The following NOL10 variants were observed in gnomAD, a reference collection of about 807,000 sequenced individuals.
NOL10 encodes H_NH0074G24.1.
NOL10 carries 58 observed loss-of-function variants against 103.5 expected under a neutral mutation model. That is an observed-to-expected ratio of 0.56 (90% CI 0.45 to 0.70). The LOEUF is 0.70. NOL10 is among the 30% of genes least tolerant of loss of function. The pLI, the probability that NOL10 is intolerant of heterozygous loss-of-function variation, is 0.00. For missense variants in NOL10, 763 were observed against 807.3 expected (o/e 0.95, Z 0.67); for synonymous variants, 287 against 282.5 (o/e 1.02, Z -0.16).
intron 13 of NOL10, 106 bp from the exon 14 acceptor site, chr2:10,607,417 T>C (rs967884915): frequency 2.4e-6 from 3 of 1,262,924 alleles, no homozygotes; most frequent in Admixed American, 3.0e-5. Flanking sequence ...AAATCCTTTT[T>C]TCTATCAGAA....
At chr2:10,678,106 T>C (rs1488055173) in intron 3 of NOL10, among the ~76,000 whole-genome samples, 1 of 151,876 alleles carries the variant, frequency 6.6e-6, no homozygotes, top group Non-Finnish European at 1.5e-5. Context: ...TGGAGCACAG[T>C]GGTGCAATCA....
At chr2:10,678,477 C>T (rs1681488012) in intron 3 of NOL10, among the ~76,000 whole-genome samples, 1 of 151,490 alleles carries the variant, frequency 6.6e-6, no homozygotes, top group Admixed American at 6.6e-5. Flanking sequence ...TCTTTCATCC[C>T]CAAGTAACAG....
intron 12 of NOL10, among the ~76,000 whole-genome samples, chr2:10,647,621 C>G (rs1167760529): frequency 6.6e-6 from 1 of 152,210 alleles, no homozygotes; most frequent in Non-Finnish European, 1.5e-5. Flanking sequence ...TTGAACAGCT[C>G]AGAGGAGACA....
chr2:10,669,976 G>T (rs1167552834), intron 6 of NOL10, among the ~76,000 whole-genome samples: 1 of 151,858 alleles, frequency 6.6e-6, no homozygotes, highest in South Asian at 2.1e-4. Context: ...ATTTTGTGAG[G>T]CCAAAGCAAG....
Position 10,606,594 on chromosome 2 carries a change from C to T in NOL10, c.1153+591G>A, listed in dbSNP as rs550734711. On this transcript the variant is annotated intron_variant, in intron 14 of 20. Coordinates refer to ENST00000381685, the MANE Select transcript of NOL10 (RefSeq NM_024894.4). ...CTGCACTGCAGCCTGAGTGACACAG[C>T]AAGACTCTGTCTCAAAAAAAAAAAA... Among the ~76,000 whole-genome samples, 6 of 116,128 alleles carry T rather than the reference C, an allele frequency of 5.2e-5. No individual in the cohort carries two copies. In the South Asian group the frequency reaches 1.6e-3, roughly 30 times the overall value. 76.2% of individuals were successfully genotyped at this position (116,128 alleles called of 152,430 possible). A position where few individuals can be genotyped will look rare whatever the true frequency, so the allele number is the denominator to read the frequency against.
intron 1 of NOL10, among the ~76,000 whole-genome samples, chr2:10,687,639 A>T (rs1178788193): frequency 6.6e-6 from 1 of 152,218 alleles, no homozygotes; most frequent in Non-Finnish European, 1.5e-5. Context: ...GGTATGTATT[A>T]GAACTTCAAA....
At chr2:10,646,986 A>T (rs1422054270) in intron 12 of NOL10, among the ~76,000 whole-genome samples, 1 of 152,252 alleles carries the variant, frequency 6.6e-6, no homozygotes, top group East Asian at 1.9e-4. Context: ...CACAGAATTA[A>T]TATGGTTTCA....
At chr2:10,683,743 A>G (rs1681947536) in intron 2 of NOL10, among the ~76,000 whole-genome samples, 1 of 152,194 alleles carries the variant, frequency 6.6e-6, no homozygotes, top group African/African-American at 2.4e-5. Flanking sequence ...CTGTGTGCCA[A>G]GCATCCACCT....
intron 8 of NOL10, among the ~76,000 whole-genome samples, chr2:10,666,509 A>T (rs1041129494): frequency 7.9e-5 from 12 of 152,154 alleles, no homozygotes; most frequent in African/African-American, 2.7e-4. Flanking sequence ...TTGTATTTTT[A>T]GTAGAGACGG....
intron 17 of NOL10, among the ~76,000 whole-genome samples, chr2:10,596,683 G>C (rs937442018): frequency 6.6e-6 from 1 of 152,164 alleles, no homozygotes; most frequent in African/African-American, 2.4e-5. Flanking sequence ...CCCCAGACCA[G>C]TACCATGGCC....
At chr2:10,598,022 G>C (rs1675787500) in intron 17 of NOL10, among the ~76,000 whole-genome samples, 1 of 152,146 alleles carries the variant, frequency 6.6e-6, no homozygotes, top group Admixed American at 6.5e-5. Context: ...ATAACAGAAA[G>C]GCAAGTTCTT....
intron 6 of NOL10, among the ~76,000 whole-genome samples, chr2:10,670,432 G>A: frequency 6.6e-6 from 1 of 152,028 alleles, no homozygotes; most frequent in Non-Finnish European, 1.5e-5. Flanking sequence ...TAATTGCTTT[G>A]TTAAAAACAA....
At chr2:10,671,441 T>A in intron 6 of NOL10, 113 bp downstream of exon 6, 57 of 710,522 alleles carry the variant, frequency 8.0e-5, no homozygotes, top group Non-Finnish European at 1.1e-4. Flanking sequence ...GAGCCACGTA[T>A]CACTTTTTTA....
At chr2:10,687,098 G>A (rs1572457567) in intron 1 of NOL10, among the ~76,000 whole-genome samples, 1 of 140,210 alleles carries the variant, frequency 7.1e-6, no homozygotes, top group Admixed American at 7.1e-5. Context: ...CCCAGAAGGA[G>A]AGAAGCAATA....
intron 13 of NOL10, among the ~76,000 whole-genome samples, chr2:10,639,442 A>G (rs1343877305): frequency 6.6e-6 from 1 of 152,096 alleles, no homozygotes; most frequent in African/African-American, 2.4e-5. Context: ...CTTCCCAAAC[A>G]AATAGTTTTC....
chr2:10,684,311 T>C (rs1572449955), intron 2 of NOL10, among the ~76,000 whole-genome samples: 1 of 148,716 alleles, frequency 6.7e-6, no homozygotes. Flanking sequence ...CTGCGTACAG[T>C]GGCTCATGCC....
rs200212418 is a variant in NOL10 at position 10,621,272 on chromosome 2, C to CA, written c.1027-13962dup. 1.0e-3 allele frequency among the ~76,000 whole-genome samples: 152 copies of CA among 150,968 alleles called. 1 individual carries two copies. The highest frequency in any genetic ancestry group is 3.4e-3 in the African/African-American group (138 of 41,180). On this transcript the variant is annotated intron_variant, in intron 13 of 20. Coordinates refer to ENST00000381685, the MANE Select transcript of NOL10 (RefSeq NM_024894.4). The stretch of plus-strand genomic sequence containing the variant: ...GTTTGATAGGGGTGGTGGTGAGAGG[C>CA]AAAAAAAACCAACTGCTATAATTCA...
chr2:10,687,790 C>T (rs192648950), intron 1 of NOL10, among the ~76,000 whole-genome samples: 173 of 152,300 alleles, frequency 1.1e-3, no homozygotes, highest in Non-Finnish European at 1.8e-3. Context: ...TCCGTCTCTA[C>T]TAAAAATACA....
At chr2:10,598,851 A>G (rs541661183) in intron 17 of NOL10, among the ~76,000 whole-genome samples, 48 of 152,350 alleles carry the variant, frequency 3.2e-4, no homozygotes, top group African/African-American at 9.9e-4. Context: ...AATGTTTTAA[A>G]TTACAATATA....
Sources: allele counts gnomAD v4.1 joint callset (sites outside exome capture counted in the v4.1 genomes callset), GRCh38; gene constraint gnomAD v4.1.1; transcripts MANE v1.5; gene names NCBI Gene and HGNC (gene_info 2026-07-23, HGNC 2026-07-21).